Variants in COPA observed in about 807,000 individuals in gnomAD.
COPA encodes the protein coatomer subunit alpha.
In COPA, 10 loss-of-function variants were observed where a neutral mutation model predicts 158.7. The observed-to-expected ratio is 0.06, with a 90% CI of 0.04 to 0.11. The LOEUF (loss-of-function observed/expected upper bound fraction) is 0.11, where lower values mean the gene tolerates loss of function less well. COPA is among the 10% of genes least tolerant of loss of function. The probability of loss-of-function intolerance (pLI) is 1.00; values close to 1 mark genes in which losing one functional copy is unlikely to be tolerated. For synonymous variants in COPA, 462 were observed against 542.8 expected, an observed-to-expected ratio of 0.85 and a Z score of 2.07; for missense variants, 1,065 against 1,536.7, an observed-to-expected ratio of 0.69 and a Z score of 5.13.
chr1:160,331,716 G>A (rs1273464270), intron 6 of COPA, among the ~76,000 whole-genome samples: 4 of 151,170 alleles, frequency 2.6e-5, no homozygotes, highest in Non-Finnish European at 5.9e-5. Context: ...TTGGGAGGCC[G>A]AGGCAGGCAG....
At chr1:160,318,492 C>CAAAAAAAAAAAAAAAAAAAAAAAG (rs1184111001) in intron 8 of COPA, among the ~76,000 whole-genome samples, 1 of 58,080 alleles carries the variant, frequency 1.7e-5, no homozygotes, top group East Asian at 4.3e-4. Context: ...AAAAAAAAAA[C>CAAAAAAAAAAAAAAAAAAAAAAAG]AAAAAAAAAA....
In COPA at chr1:160,299,123, C is replaced by A. The variant is rs375445896; in HGVS notation, c.1809G>T (p.Leu603=). ...ATACCTCATCATATTTTCTGTTGAT[C>A]AGGGCCAGCTTGAATTTGAACTCAG... is the stretch of plus-strand genomic sequence containing the variant. ...DPTEFKFKLA[L]INRKYDEVLH... The change falls in exon 18 of 33, where the codon CTG becomes CTT. Residue 603 remains leucine, a synonymous_variant. Coordinates refer to ENST00000241704, the MANE Select transcript of COPA (RefSeq NM_004371.4). The A allele has an allele frequency of 3.7e-6, 6 of 1,614,050 alleles. No individual in the cohort carries two copies. The highest frequency in any genetic ancestry group is 5.1e-6 in the Non-Finnish European group (6 of 1,180,000).
intron 17 of COPA, among the ~76,000 whole-genome samples, chr1:160,304,954 C>T (rs1658734097): frequency 6.6e-6 from 1 of 151,950 alleles, no homozygotes; most frequent in African/African-American, 2.4e-5. Context: ...AAATATTGGG[C>T]AAAATATGAA....
At position 160,288,979 on chromosome 1, in the gene COPA, C is replaced by CTT. The variant is rs34892399; in HGVS notation, c.*1176_*1177dup. On this transcript the variant is annotated 3_prime_UTR_variant, in exon 33 of 33. Transcript: ENST00000241704. Reference sequence around the variant, plus strand: ...AAAACATGTGCTTCTTTTTTTCTTTCTTTTTTTTTGAGATGGAGTCTCACT... The same window carrying CTT: ...AAAACATGTGCTTCTTTTTTTCTTTCTTTTTTTTTTTGAGATGGAGTCTCACT... Among the ~76,000 whole-genome samples the CTT allele has an allele frequency of 1.3e-5, 2 of 150,934 alleles. No individual in the cohort carries two copies. Among genetic ancestry groups the CTT allele is most frequent in the African/African-American group, 4.9e-5 (2 of 41,056 alleles).
At chr1:160,305,847 C>A in intron 15 of COPA, 74 bp from the exon 16 acceptor site, 1 of 1,205,658 alleles carries the variant, frequency 8.3e-7, no homozygotes, top group Non-Finnish European at 1.2e-6. Flanking sequence ...ACATCAATTG[C>A]ACCCTCTAAT....
At chr1:160,312,399 T>TA (rs927772799) in intron 10 of COPA, among the ~76,000 whole-genome samples, 1 of 152,200 alleles carries the variant, frequency 6.6e-6, no homozygotes. Context: ...CTCTAGCATA[T>TA]AAAAAGAGTA....
At position 160,291,425 on chromosome 1, in the gene COPA, A is replaced by G; in HGVS notation, c.3330T>C (p.Asn1110=). 6.2e-7 allele frequency: 1 copy of G among 1,614,106 alleles called. No homozygotes were observed. Among genetic ancestry groups the G allele is most frequent in the South Asian group, 1.1e-5 (1 of 91,074 alleles). ...HMILVLRTAL[N]LFFKLKNFKT... ...TGAAGTTCTTGAGCTTGAAGAACAG[A>G]TTGAGGGCTGTACGCAGCACCAGGA... The change falls in exon 31 of 33, where the codon AAT becomes AAC. Residue 1110 remains asparagine (N), a synonymous_variant. Transcript: ENST00000241704.
intron 6 of COPA, among the ~76,000 whole-genome samples, chr1:160,326,586 G>A (rs533382030): frequency 2.6e-5 from 4 of 152,146 alleles, no homozygotes; most frequent in East Asian, 1.9e-4. Context: ...GAAGCCTTTC[G>A]ACAGCTGATG....
At chr1:160,311,695 C>T (rs921981179) in intron 11 of COPA, among the ~76,000 whole-genome samples, 173 bp downstream of exon 11, 11 of 150,450 alleles carry the variant, frequency 7.3e-5, no homozygotes, top group Middle Eastern at 3.6e-3. Context: ...TGCAGTGAGC[C>T]GAGATCGCGC....
intron 6 of COPA, among the ~76,000 whole-genome samples, chr1:160,328,400 T>C (rs1361555826): frequency 2.6e-5 from 4 of 152,170 alleles, no homozygotes; most frequent in African/African-American, 4.8e-5. Flanking sequence ...AGATGAATGG[T>C]GACAGGCAGT....
chr1:160,293,532 T>C, intron 25 of COPA, 69 bp from the exon 26 acceptor site: 1 of 1,217,574 alleles, frequency 8.2e-7, no homozygotes, highest in African/African-American at 1.6e-5. Flanking sequence ...TCACACTCTG[T>C]CACCTAGACT....
At chr1:160,327,230 A>G (rs991949785) in intron 6 of COPA, among the ~76,000 whole-genome samples, 1 of 152,144 alleles carries the variant, frequency 6.6e-6, no homozygotes, top group Admixed American at 6.5e-5. Flanking sequence ...GAAAATAAAA[A>G]CTCTCATTGA....
At chr1:160,291,785 G>A (rs551188784) in intron 30 of COPA, 34 bp downstream of exon 30, 35 of 1,590,758 alleles carry the variant, frequency 2.2e-5, no homozygotes, top group Admixed American at 1.2e-4. Flanking sequence ...AGGGAAGGAC[G>A]TCTCTGTTGT....
chr1:160,323,013 A>G (rs1034301324), intron 8 of COPA, among the ~76,000 whole-genome samples: 1 of 151,952 alleles, frequency 6.6e-6, no homozygotes. Context: ...ACACACACAC[A>G]CACAATGGAA....
At chr1:160,302,130 A>C (rs1658627352) in intron 17 of COPA, among the ~76,000 whole-genome samples, 1 of 152,192 alleles carries the variant, frequency 6.6e-6, no homozygotes, top group Non-Finnish European at 1.5e-5. Flanking sequence ...GATTATTTGT[A>C]AAGGAAATAG....
chr1:160,340,106 T>G (rs763669496), intron 2 of COPA, 75 bp downstream of exon 2: 15 of 1,491,518 alleles, frequency 1.0e-5, no homozygotes, highest in African/African-American at 1.4e-5. Context: ...GGAATCCATG[T>G]CAAACAAGGC....
chr1:160,294,831 TGTCAGCAGCCA>T lies in COPA; in HGVS notation c.2492_2502del (p.Leu831HisfsTer2), dbSNP rs775824505. 6.2e-7 allele frequency: 1 copy of T among 1,614,078 alleles called. No individual in the cohort carries two copies. Among genetic ancestry groups the T allele is most frequent in the South Asian group, 1.1e-5 (1 of 91,076 alleles). On this transcript the variant is annotated frameshift_variant, in exon 24 of 33. Coordinates refer to ENST00000241704, the MANE Select transcript of COPA (RefSeq NM_004371.4). LOFTEE classifies it high-confidence loss of function. ...TCTGTACCAACAGTGTCAATGTCAA[TGTCAGCAGCCA>T]GTGCTCCTCCCTTCCCTACAGAGGG...
At chr1:160,292,411 T>A in intron 28 of COPA, 73 bp downstream of exon 28, 1 of 1,603,862 alleles carries the variant, frequency 6.2e-7, no homozygotes, top group South Asian at 1.1e-5. Context: ...ATTCTGACTA[T>A]GTCACTGAGG....
chr1:160,294,409 G>T (rs769887659), intron 25 of COPA, 75 bp downstream of exon 25: 11 of 1,278,396 alleles, frequency 8.6e-6, no homozygotes, highest in Admixed American at 1.7e-5. Flanking sequence ...GAGGATAGTG[G>T]TAGGGGACAA....
Sources: gnomAD v4.1 joint callset for allele counts (sites outside exome capture counted in the v4.1 genomes callset) on GRCh38, gnomAD v4.1.1 for gene constraint, MANE v1.5 for transcripts, NCBI Gene and HGNC (gene_info 2026-07-23, HGNC 2026-07-21) for gene names.